The following LAMC3 variants were observed in gnomAD, a reference collection of about 807,000 sequenced individuals.
LAMC3 encodes laminin subunit gamma-3.
A neutral mutation model predicts 173.8 loss-of-function variants in LAMC3; 128 were observed. That is an observed-to-expected ratio of 0.74 (90% confidence interval 0.64 to 0.85). LAMC3 has a LOEUF of 0.85. Ranked by LOEUF, LAMC3 falls within the 40% of genes least tolerant of loss-of-function variation. The probability of loss-of-function intolerance (pLI) is 0.00; values close to 1 mark genes in which losing one functional copy is unlikely to be tolerated. For synonymous variants in LAMC3, 897 were observed against 909.1 expected, an observed-to-expected ratio of 0.99 and a Z score of 0.24; for missense variants, 2,022 against 2,156.0, an observed-to-expected ratio of 0.94 and a Z score of 1.23.
chr9:131,071,335 G>C, intron 17 of LAMC3, 149 bp from the exon 18 acceptor site: 1 of 803,682 alleles, frequency 1.2e-6, no homozygotes, highest in Non-Finnish European at 1.9e-6. Flanking sequence ...GGCTCTCAGA[G>C]GTGTGGCATA....
chr9:131,060,624 CAG>C (rs1307385029), intron 12 of LAMC3, among the ~76,000 whole-genome samples: 1 of 145,868 alleles, frequency 6.9e-6, no homozygotes, highest in African/African-American at 2.6e-5. Flanking sequence ...GCCTGGGTGA[CAG>C]AGTGAGACTC....
chr9:131,087,187 C>A (rs1028441802), intron 25 of LAMC3, among the ~76,000 whole-genome samples: 6 of 152,234 alleles, frequency 3.9e-5, no homozygotes, highest in Non-Finnish European at 8.8e-5. Context: ...CGGGCTTGAT[C>A]TCTTGTCATG....
At chr9:131,010,682 A>AG (rs1833398662) in intron 1 of LAMC3, among the ~76,000 whole-genome samples, 1 of 152,224 alleles carries the variant, frequency 6.6e-6, no homozygotes, top group South Asian at 2.1e-4. Context: ...GCAAAGTTTA[A>AG]CCCTCTGGGG....
chr9:131,079,065 C>A, intron 22 of LAMC3, 84 bp from the exon 23 acceptor site: 1 of 1,541,090 alleles, frequency 6.5e-7, no homozygotes, highest in Non-Finnish European at 8.8e-7. Context: ...CCGCCTCAGC[C>A]CAGCAGGGCA....
At chr9:131,018,305 T>C (rs984177756) in intron 1 of LAMC3, among the ~76,000 whole-genome samples, 3 of 151,706 alleles carry the variant, frequency 2.0e-5, no homozygotes, top group Non-Finnish European at 4.4e-5. Context: ...CGGCTAATTT[T>C]TTGTATTTTA....
Position 131,031,926 on chromosome 9 carries a change from G to A in LAMC3, c.679-119G>A, listed in dbSNP as rs1042853282. The A allele has an allele frequency of 1.3e-5, 21 of 1,575,914 alleles. No individual in the cohort carries two copies. In the South Asian group the frequency reaches 1.7e-4, roughly 13 times the overall value. ...TGTTCTCAGAATTGGCCTGAGCTCG[G>A]CCTGTTCCTGTGTCCCAGGAGCTCC... On this transcript the variant is annotated intron_variant, in intron 2 of 27. Coordinates refer to ENST00000361069, the MANE Select transcript of LAMC3 (RefSeq NM_006059.4).
At chr9:131,034,628 G>T (rs1252610120) in intron 3 of LAMC3, among the ~76,000 whole-genome samples, 1 of 152,258 alleles carries the variant, frequency 6.6e-6, no homozygotes, top group Non-Finnish European at 1.5e-5. Flanking sequence ...TGAGCCTGAT[G>T]CCTCATGTGT....
chr9:131,085,772 A>AC (rs766724429), intron 25 of LAMC3, 49 bp downstream of exon 25: 287 of 1,570,486 alleles, frequency 1.8e-4, no homozygotes, highest in Non-Finnish European at 2.5e-4. Context: ...TCCCGGGGGG[A>AC]CCGCCCTTCC....
At chr9:131,027,838 C>T (rs563739146) in intron 2 of LAMC3, among the ~76,000 whole-genome samples, 9 of 152,266 alleles carry the variant, frequency 5.9e-5, no homozygotes, top group East Asian at 5.8e-4. Flanking sequence ...GCTGGCCTGT[C>T]GCCATGTCAG....
At chr9:131,033,821 G>C (rs1228110579) in intron 3 of LAMC3, among the ~76,000 whole-genome samples, 1 of 152,066 alleles carries the variant, frequency 6.6e-6, no homozygotes, top group African/African-American at 2.4e-5. Flanking sequence ...GTGGGGAGCG[G>C]GGATGACACT....
chr9:131,061,774 G>A (rs967162878), intron 13 of LAMC3, among the ~76,000 whole-genome samples: 3 of 152,196 alleles, frequency 2.0e-5, no homozygotes, highest in East Asian at 1.9e-4. Flanking sequence ...ATTCGGCTGG[G>A]TGTGGTGGCT....
intron 12 of LAMC3, among the ~76,000 whole-genome samples, chr9:131,060,249 G>A (rs139477174): frequency 3.7e-4 from 56 of 152,302 alleles, no homozygotes; most frequent in Middle Eastern, 6.8e-3. Context: ...CTTAGGAAAC[G>A]TTGCTCTTCC....
At chr9:131,035,540 G>A (rs757243463) in intron 3 of LAMC3, among the ~76,000 whole-genome samples, 1 of 152,074 alleles carries the variant, frequency 6.6e-6, no homozygotes, top group Non-Finnish European at 1.5e-5. Context: ...AATTCAACCT[G>A]ATGATCCAAT....
chr9:131,041,930 GT>G (rs538646673), intron 7 of LAMC3, among the ~76,000 whole-genome samples, 195 bp downstream of exon 7: 90 of 152,304 alleles, frequency 5.9e-4, no homozygotes, highest in Non-Finnish European at 8.5e-4. Context: ...TTATGGCACT[GT>G]TTGTGCTTTG....
At chr9:131,019,938 C>T (rs1833598365) in intron 1 of LAMC3, among the ~76,000 whole-genome samples, 2 of 152,098 alleles carry the variant, frequency 1.3e-5, no homozygotes, top group Admixed American at 6.6e-5. Context: ...AAGCTGTGTC[C>T]TCTCCAGCCA....
chr9:131,093,741 T>TC lies in LAMC3; in HGVS notation c.*1960dup, dbSNP rs1428432009. The stretch of plus-strand genomic sequence containing the variant: ...TTCCGGGATAGGTTGGCTTCCCTCT[T>TC]CCCCCCTCCCGCCTCTCTTCTTGGT... On this transcript the variant is annotated 3_prime_UTR_variant, in exon 28 of 28. Transcript: ENST00000361069. The TC allele has an allele frequency of 6.6e-6, 1 of 151,868 alleles. No homozygotes were observed. The highest frequency in any genetic ancestry group is 1.9e-4 in the East Asian group (1 of 5,168). 9.4% of individuals were successfully genotyped at this position (151,868 alleles called of 1,614,324 possible). A position where few individuals can be genotyped will look rare whatever the true frequency, so the allele number is the denominator to read the frequency against.
intron 3 of LAMC3, among the ~76,000 whole-genome samples, chr9:131,033,785 C>G (rs183668333): frequency 4.6e-4 from 70 of 152,160 alleles, no homozygotes; most frequent in African/African-American, 1.3e-3. Flanking sequence ...AAACGCAGCT[C>G]TGTGTGTGAA....
intron 1 of LAMC3, among the ~76,000 whole-genome samples, chr9:131,015,809 C>T (rs937396568): frequency 1.3e-5 from 2 of 152,192 alleles, no homozygotes; most frequent in African/African-American, 4.8e-5. Context: ...GTTCCTGCCA[C>T]CACACCCAGC....
At chr9:131,057,170 C>T (rs566366864) in intron 12 of LAMC3, 23 bp downstream of exon 12, 19 of 1,599,234 alleles carry the variant, frequency 1.2e-5, no homozygotes, top group Middle Eastern at 1.7e-4. Flanking sequence ...GCACCCCATC[C>T]GAAGGCACCT....
Sources: gnomAD v4.1 joint callset for allele counts (sites outside exome capture counted in the v4.1 genomes callset) on GRCh38, gnomAD v4.1.1 for gene constraint, MANE v1.5 for transcripts, NCBI Gene and HGNC (gene_info 2026-07-23, HGNC 2026-07-21) for gene names.